NRG1: variants seen among roughly 807,000 people sequenced by gnomAD.
NRG1 encodes pro-neuregulin-1, membrane-bound isoform.
A neutral mutation model predicts 63.8 loss-of-function variants in NRG1; 18 were observed. The observed-to-expected ratio is 0.28, with a 90% CI of 0.19 to 0.42. The LOEUF (loss-of-function observed/expected upper bound fraction) is 0.42. Ranked by LOEUF, NRG1 falls within the 10% of genes least tolerant of loss-of-function variation. The pLI is 1.00. For missense variants in NRG1, 762 were observed against 814.7 expected (o/e 0.94, Z 0.79); for synonymous variants, 302 against 301.3 (o/e 1.00, Z -0.02).
intron 8 of NRG1, among the ~76,000 whole-genome samples, chr8:32,755,519 T>G (rs1829515357): frequency 6.6e-6 from 1 of 152,140 alleles, no homozygotes; most frequent in South Asian, 2.1e-4. Flanking sequence ...GTGAGTCTCA[T>G]TAGATTCCAT....
At chr8:32,275,011 C>G (rs574624285) in intron 1 of NRG1, among the ~76,000 whole-genome samples, 1 of 152,044 alleles carries the variant, frequency 6.6e-6, no homozygotes, top group Non-Finnish European at 1.5e-5. Context: ...TTGGTCTGGG[C>G]GTATCCTGTG....
In NRG1 at chr8:31,807,235, T is replaced by C. The variant is rs1156974718; in HGVS notation, c.37+167804T>C. Among the ~76,000 whole-genome samples, 2 of 152,240 alleles carry C rather than the reference T, an allele frequency of 1.3e-5. 1 individual carries two copies. Among genetic ancestry groups the C allele is most frequent in the East Asian group, 3.8e-4 (2 of 5,196 alleles). On this transcript the variant is annotated intron_variant, in intron 1 of 10. Coordinates refer to the NRG1 transcript ENST00000519301. ...CTGTGCCCCTCTCTTGGCTACACTCTCAGCTTTGATACACTACTTGAGCAT... is the reference window on the plus strand; with the variant it reads ...CTGTGCCCCTCTCTTGGCTACACTCCCAGCTTTGATACACTACTTGAGCAT...
intron 9 of NRG1, among the ~76,000 whole-genome samples, chr8:32,757,677 C>T (rs1014359225): frequency 2.6e-5 from 4 of 152,136 alleles, no homozygotes; most frequent in Admixed American, 6.5e-5. Context: ...AATATATAAA[C>T]GGTAGAATGA....
At chr8:32,434,643 G>A (rs1264050517) in intron 1 of NRG1, among the ~76,000 whole-genome samples, 1 of 152,002 alleles carries the variant, frequency 6.6e-6, no homozygotes, top group Non-Finnish European at 1.5e-5. Context: ...TCCATTCCAG[G>A]CACTCTGTGC....
intron 1 of NRG1, among the ~76,000 whole-genome samples, chr8:31,717,630 C>T (rs1034021311): frequency 2.6e-5 from 4 of 152,068 alleles, no homozygotes; most frequent in Non-Finnish European, 5.9e-5. Context: ...TCATCCAATG[C>T]TATTTGCACA....
At chr8:32,111,377 A>G (rs1832004883) in intron 1 of NRG1, among the ~76,000 whole-genome samples, 2 of 152,162 alleles carry the variant, frequency 1.3e-5, no homozygotes, top group South Asian at 4.1e-4. Context: ...TTGGCCTCCC[A>G]AAGTGCTGGG....
intron 5 of NRG1, among the ~76,000 whole-genome samples, chr8:32,703,419 T>C (rs1722596925): frequency 1.6e-5 from 1 of 62,250 alleles, no homozygotes. Context: ...TCACTAATGA[T>C]GTTTTTTTTT....
chr8:32,157,328 G>C (rs558076701), intron 1 of NRG1, among the ~76,000 whole-genome samples: 3 of 130,312 alleles, frequency 2.3e-5, no homozygotes, highest in Non-Finnish European at 4.6e-5. Context: ...TGGTGCCACC[G>C]CACTTCAGAA....
intron 1 of NRG1, among the ~76,000 whole-genome samples, chr8:32,475,629 A>G (rs1348928383): frequency 1.3e-5 from 2 of 151,952 alleles, no homozygotes; most frequent in Non-Finnish European, 2.9e-5. Flanking sequence ...TACAGCCTCA[A>G]ACTACTCCTG....
chr8:31,949,832 A>T (rs1020721229), intron 1 of NRG1, among the ~76,000 whole-genome samples: 2 of 152,170 alleles, frequency 1.3e-5, no homozygotes, highest in African/African-American at 4.8e-5. Context: ...AGTTCTTACA[A>T]ATGGGAACTC....
chr8:32,309,728 A>G (rs1046404229), intron 1 of NRG1, among the ~76,000 whole-genome samples: 13 of 151,204 alleles, frequency 8.6e-5, no homozygotes, highest in African/African-American at 1.2e-4. Context: ...CTTCCAGAGA[A>G]CTACACTTGC....
At chr8:31,685,217 T>A (rs1280687712) in intron 1 of NRG1, among the ~76,000 whole-genome samples, 1 of 152,168 alleles carries the variant, frequency 6.6e-6, no homozygotes, top group Non-Finnish European at 1.5e-5. Flanking sequence ...CCATGGTTAA[T>A]GGACATGGGG....
chr8:32,552,859 G>A (rs912420354), intron 1 of NRG1, among the ~76,000 whole-genome samples: 2 of 152,124 alleles, frequency 1.3e-5, no homozygotes, highest in African/African-American at 4.8e-5. Context: ...AAAAATATTA[G>A]ACAAACATGA....
At chr8:32,494,314 A>G (rs1402231064) in intron 1 of NRG1, among the ~76,000 whole-genome samples, 1 of 152,224 alleles carries the variant, frequency 6.6e-6, no homozygotes, top group Non-Finnish European at 1.5e-5. Flanking sequence ...TATTTTTGGC[A>G]TATTTCTTCC....
chr8:32,157,450 A>C (rs1838238268), intron 1 of NRG1, among the ~76,000 whole-genome samples: 1 of 150,794 alleles, frequency 6.6e-6, no homozygotes, highest in Non-Finnish European at 1.5e-5. Context: ...TCACAATGTC[A>C]GGAGTCCCAG....
In NRG1 at chr8:32,452,337, T is replaced by A. The variant is rs139548578; in HGVS notation, c.38-143491T>A. On this transcript the variant is annotated intron_variant, in intron 1 of 10. Coordinates refer to the NRG1 transcript ENST00000519301. ...GGGAGTGTTTTGGACTGACTTTGAG[T>A]TGGGGAGGCTTTATGGAGGAGGTGA... Among the ~76,000 whole-genome samples, 365 of 152,036 alleles carry A rather than the reference T, an allele frequency of 2.4e-3. 3 individuals carry two copies. The highest frequency in any genetic ancestry group is 0.015 in the East Asian group (76 of 5,160).
In NRG1 at chr8:31,640,056, C is replaced by G. The variant is rs1465747101; in HGVS notation, c.37+625C>G. On this transcript the variant is annotated intron_variant, in intron 1 of 10. Transcript: ENST00000519301. The surrounding 1 kb of genome is among the most constrained non-coding windows in gnomAD (Gnocchi z 6.3). ...GGGCCCAGCGCCCCGGCTCCGCCGC[C>G]CGCTCGTCGCCGCCGCTGCCGCTGC... The G allele has an allele frequency of 8.8e-7, 1 of 1,138,932 alleles. No homozygotes were observed. Among genetic ancestry groups the G allele is most frequent in the Non-Finnish European group, 1.1e-6 (1 of 930,076 alleles). 70.6% of individuals were successfully genotyped at this position (1,138,932 alleles called of 1,614,324 possible). A position where few individuals can be genotyped will look rare whatever the true frequency, so the allele number is the denominator to read the frequency against.
At chr8:32,491,786 TC>T (rs1215843099) in intron 1 of NRG1, among the ~76,000 whole-genome samples, 4 of 152,184 alleles carry the variant, frequency 2.6e-5, no homozygotes, top group Non-Finnish European at 5.9e-5. Context: ...GATAGCACCT[TC>T]CTGAACTTGG....
At chr8:32,220,766 C>G (rs1316925543) in intron 1 of NRG1, among the ~76,000 whole-genome samples, 1 of 152,188 alleles carries the variant, frequency 6.6e-6, no homozygotes, top group Non-Finnish European at 1.5e-5. Context: ...TCCGCGGTCT[C>G]CCCCACTCCA....
Sources: gnomAD v4.1 joint callset for allele counts (sites outside exome capture counted in the v4.1 genomes callset) on GRCh38, gnomAD v4.1.1 for gene constraint, Gnocchi (gnomAD v3.1) non-coding constraint, MANE v1.5 for transcripts, NCBI Gene and HGNC (gene_info 2026-07-23, HGNC 2026-07-21) for gene names.